The following DPP9 variants were observed in gnomAD, a reference collection of about 807,000 sequenced individuals.
DPP9 encodes dipeptidyl peptidase 9.
DPP9 carries 50 observed loss-of-function variants against 110.7 expected under a neutral mutation model. The ratio of observed to expected loss-of-function variants is 0.45; its 90% CI spans 0.36 to 0.57. The LOEUF (loss-of-function observed/expected upper bound fraction) is 0.57, where lower values mean the gene tolerates loss of function less well. Among genes scored for constraint, DPP9 ranks in the 20% least tolerant of loss-of-function variants. DPP9 has a pLI of 0.00. For synonymous variants in DPP9, 561 were observed against 514.4 expected (o/e 1.09, Z -1.23); for missense variants, 1,022 against 1,217.9 (o/e 0.84, Z 2.39).
rs904488987 is a variant in DPP9, at chr19:4,690,537, C to T, written c.1596+341G>A. Among the ~76,000 whole-genome samples the T allele has an allele frequency of 3.9e-5, 6 of 152,232 alleles. No homozygotes were observed. The East Asian group carries it at 5.8e-4, about 15-fold the overall frequency. Reference sequence around the variant, plus strand: ...AGGCAGCTGGACGCATGGCCCCAGACGGCCTGCAGAGGACACACTTCCTCT... The same window carrying T: ...AGGCAGCTGGACGCATGGCCCCAGATGGCCTGCAGAGGACACACTTCCTCT... On this transcript the variant is annotated intron_variant, in intron 14 of 21. Transcript: ENST00000262960.
In DPP9 at chr19:4,701,228, G is replaced by C. The variant is rs372161265; in HGVS notation, c.1012+799C>G. ...CACGTCTGTAATCTCAGCATTTTGGGAGGCCGAGGCGAGAGGACCACTTGA... is the reference window on the plus strand; with the variant it reads ...CACGTCTGTAATCTCAGCATTTTGGCAGGCCGAGGCGAGAGGACCACTTGA... On this transcript the variant is annotated intron_variant, in intron 9 of 21. Transcript: ENST00000262960. Among the ~76,000 whole-genome samples, 44 of 152,334 alleles carry C rather than the reference G, an allele frequency of 2.9e-4. No homozygotes were observed. The East Asian group carries it at 8.3e-3, about 29-fold the overall frequency.
intron 19 of DPP9, 194 bp from the exon 20 acceptor site, chr19:4,683,032 G>A (rs778317905): frequency 6.8e-4 from 1,034 of 1,518,452 alleles, no homozygotes; most frequent in Admixed American, 1.2e-3. Context: ...GGGTGGGCAG[G>A]GCGCCACAGG....
At chr19:4,713,933 G>A (rs1442456917) in intron 4 of DPP9, 148 bp downstream of exon 4, 2 of 1,295,256 alleles carry the variant, frequency 1.5e-6, no homozygotes, top group Non-Finnish European at 2.1e-6. Context: ...AGAGCTGTCT[G>A]TGGCTGAGCC....
intron 2 of DPP9, chr19:4,722,259 C>G: frequency 1.9e-6 from 1 of 524,638 alleles, no homozygotes; most frequent in Non-Finnish European, 3.4e-6. Flanking sequence ...TCAGCACTCT[C>G]CCCTTCCTCT....
Position 4,704,037 on chromosome 19 carries a change from C to G in DPP9, c.618G>C (p.Pro206=), listed in dbSNP as rs771392403. Residue 206 remains proline, a synonymous_variant, in exon 7 of 22, where the codon CCG becomes CCC. Transcript: ENST00000262960. The surrounding 1 kb of genome is among the most constrained non-coding windows in gnomAD (Gnocchi z 6.0). ...CTGAGCACTGGGTCTTGATTTCCAGCGGTTTCATAGGGGACACCTGAGGAC... is the reference window on the plus strand; with the variant it reads ...CTGAGCACTGGGTCTTGATTTCCAGGGGTTTCATAGGGGACACCTGAGGAC... ...KNGFMVSPMK[P]LEIKTQCSGP... is the part of the protein sequence containing the mutation. 1.2e-6 allele frequency: 2 copies of G among 1,613,850 alleles called. No individual in the cohort carries two copies. The highest frequency in any genetic ancestry group is 8.5e-7 in the Non-Finnish European group (1 of 1,179,884).
In DPP9 at chr19:4,689,540, G is replaced by A; in HGVS notation, c.1749+30C>T. On this transcript the variant is annotated intron_variant, in intron 15 of 21. Coordinates refer to ENST00000262960, the MANE Select transcript of DPP9 (RefSeq NM_139159.5). This position sits in a 1 kb window ranked among gnomAD's most constrained non-coding sequence, Gnocchi z 7.0. ...GGCTGGGAGCTGTTGGACGGGCACA[G>A]GGCGGTGCCGTGAGGCTGGGCGGTC... The A allele has an allele frequency of 6.5e-7, 1 of 1,540,852 alleles. No individual in the cohort carries two copies.
At chr19:4,719,707 T>C in intron 3 of DPP9, 144 bp downstream of exon 3, 2 of 983,394 alleles carry the variant, frequency 2.0e-6, no homozygotes, top group South Asian at 1.5e-5. Context: ...GCCTCCTCGC[T>C]TGAAATAACC....
Position 4,682,532 on chromosome 19 carries a change from A to G in DPP9, c.2474+164T>C, listed in dbSNP as rs1183551841. On this transcript the variant is annotated intron_variant, in intron 20 of 21. Coordinates refer to ENST00000262960, the MANE Select transcript of DPP9 (RefSeq NM_139159.5). This position sits in a 1 kb window ranked among gnomAD's most constrained non-coding sequence, Gnocchi z 7.1. ...TGGGCTGGAGGGGACTGTGAGGCACATGCAGGCAGACGCCACCACAGGAGC... is the reference window on the plus strand; with the variant it reads ...TGGGCTGGAGGGGACTGTGAGGCACGTGCAGGCAGACGCCACCACAGGAGC... Among the ~76,000 whole-genome samples the G allele has an allele frequency of 2.0e-5, 3 of 152,146 alleles. No individual in the cohort carries two copies. Among genetic ancestry groups the G allele is most frequent in the African/African-American group, 7.2e-5 (3 of 41,440 alleles).
At chr19:4,699,540 C>T (rs940197451) in intron 10 of DPP9, among the ~76,000 whole-genome samples, 11 of 151,938 alleles carry the variant, frequency 7.2e-5, no homozygotes, top group Admixed American at 4.6e-4. Context: ...GGGGTGGCTA[C>T]GGAGGAGGGG....
chr19:4,702,648 C>G lies in DPP9; in HGVS notation c.838G>C (p.Asp280His), dbSNP rs757840802. The G allele has an allele frequency of 6.2e-7, 1 of 1,604,168 alleles. No homozygotes were observed. The highest frequency in any genetic ancestry group is 8.5e-7 in the Non-Finnish European group (1 of 1,175,722). ...CACCACCAGTACCCAGTGAAGCGGT[C>G]GAACTCTTCCTGTATGACGAAGGTG... ...VATFVIQEEF[D>H]RFTGYWWCPT... Residue 280 changes from aspartate (D) to histidine (H), a missense_variant, in exon 8 of 22, where the codon GAC (aspartate) becomes CAC (histidine). Asp to His is a moderately conservative substitution (Grantham distance 81, BLOSUM62 -1). Around this residue, in one of 3 missense-constraint regions of DPP9, gnomAD observed 810 missense variants for 920.6 expected, o/e 0.88. Coordinates refer to ENST00000262960, the MANE Select transcript of DPP9 (RefSeq NM_139159.5).
At chr19:4,683,892 C>A in intron 18 of DPP9, 1 of 1,367,238 alleles carries the variant, frequency 7.3e-7, no homozygotes, top group Non-Finnish European at 9.9e-7. Flanking sequence ...TTTGCCCATC[C>A]CTAATAAAGG....
Position 4,684,620 on chromosome 19 carries a change from C to A in DPP9, c.2178+43G>T. ...CACCCACACGGCCCAGGGCTCCCTT[C>A]CCGAGACCCAAAGGACCCAGAGCAA... On this transcript the variant is annotated intron_variant, in intron 18 of 21. Coordinates refer to ENST00000262960, the MANE Select transcript of DPP9 (RefSeq NM_139159.5). This position sits in a 1 kb window ranked among gnomAD's most constrained non-coding sequence, Gnocchi z 4.8. The A allele has an allele frequency of 6.2e-7, 1 of 1,608,514 alleles. No individual in the cohort carries two copies. The highest frequency in any genetic ancestry group is 8.5e-7 in the Non-Finnish European group (1 of 1,177,444).
At position 4,682,687 on chromosome 19, in the gene DPP9, T is replaced by TGGCCTTACTCATTGGGCAGC. The variant is rs1490139233; in HGVS notation, c.2463_2474+8dup. 3 of 1,608,626 alleles carry TGGCCTTACTCATTGGGCAGC rather than the reference T, an allele frequency of 1.9e-6. No individual in the cohort carries two copies. Among genetic ancestry groups the TGGCCTTACTCATTGGGCAGC allele is most frequent in the Non-Finnish European group, 2.5e-6 (3 of 1,177,956 alleles). ...CGGGGAGGAGCGCAGGGCAGGGCAG[T>TGGCCTTACTCATTGGGCAGC]GGCCTTACTCATTGGGCAGCTTCTC... On this transcript the variant is annotated intron_variant, in intron 20 of 21. Coordinates refer to ENST00000262960, the MANE Select transcript of DPP9 (RefSeq NM_139159.5). This position sits in a 1 kb window ranked among gnomAD's most constrained non-coding sequence, Gnocchi z 7.1.
Position 4,676,505 on chromosome 19 carries a change from G to C in DPP9, c.*59C>G. 6.9e-7 allele frequency: 1 copy of C among 1,457,252 alleles called. No homozygotes were observed. Among genetic ancestry groups the C allele is most frequent in the African/African-American group, 1.4e-5 (1 of 71,220 alleles). 90.3% of individuals were successfully genotyped at this position (1,457,252 alleles called of 1,614,324 possible). ...CGGGCCACTCAGTCCCTCCCGCCTG[G>C]TTCCCCGCGGAGGCTGCAGCCACTT... On this transcript the variant is annotated 3_prime_UTR_variant, in exon 22 of 22. Transcript: ENST00000262960. The surrounding 1 kb of genome is among the most constrained non-coding windows in gnomAD (Gnocchi z 4.0).
At chr19:4,719,149 G>A (rs988083084) in intron 3 of DPP9, 2 of 151,958 alleles carry the variant, frequency 1.3e-5, no homozygotes, top group African/African-American at 4.8e-5. Context: ...CTAATGTGGT[G>A]AAACCCCGTC....
rs1254025876 is a variant in DPP9 at position 4,684,152 on chromosome 19, T to C, written c.2178+511A>G. On this transcript the variant is annotated intron_variant, in intron 18 of 21. Transcript: ENST00000262960. This position sits in a 1 kb window ranked among gnomAD's most constrained non-coding sequence, Gnocchi z 4.8. ...TCATGTGAATGGGATGAGGGGCCCT[T>C]ATAAAAGGGCCTGATGGAGGGAGGC... The C allele has an allele frequency of 7.2e-6, 2 of 279,650 alleles. No individual in the cohort carries two copies. The highest frequency in any genetic ancestry group is 1.4e-5 in the Non-Finnish European group (2 of 141,406). The allele number at this position is 279,650 out of a possible 1,614,324, so 17.3% of individuals were successfully genotyped here.
Position 4,689,001 on chromosome 19 carries a change from TG to T in DPP9, c.1750-110del. On this transcript the variant is annotated intron_variant, in intron 15 of 21. Coordinates refer to ENST00000262960, the MANE Select transcript of DPP9 (RefSeq NM_139159.5). This position sits in a 1 kb window ranked among gnomAD's most constrained non-coding sequence, Gnocchi z 7.0. Reference sequence around the variant, plus strand: ...TCCCTCCCGCCCGCCCCCATCCCTCTGCCCCTGCCTGTCATGAAACCTCAAA... The same window carrying T: ...TCCCTCCCGCCCGCCCCCATCCCTCTCCCCTGCCTGTCATGAAACCTCAAA... The T allele has an allele frequency of 8.7e-7, 1 of 1,150,252 alleles. No homozygotes were observed. Among genetic ancestry groups the T allele is most frequent in the Non-Finnish European group, 1.1e-6 (1 of 927,088 alleles). 71.3% of individuals were successfully genotyped at this position (1,150,252 alleles called of 1,614,324 possible).
chr19:4,703,408 T>C (rs560896099), intron 7 of DPP9, among the ~76,000 whole-genome samples: 1 of 150,638 alleles, frequency 6.6e-6, no homozygotes, highest in South Asian at 2.1e-4. Flanking sequence ...GTAGATCATT[T>C]GAGGTCAGGA....
At chr19:4,722,852 A>G (rs2093381697) in intron 1 of DPP9, 2 of 338,122 alleles carry the variant, frequency 5.9e-6, no homozygotes, top group Non-Finnish European at 1.1e-5. Flanking sequence ...CTTGCCTGGG[A>G]GGCAAGTGAC....
Sources: gnomAD v4.1 joint callset for allele counts (sites outside exome capture counted in the v4.1 genomes callset) on GRCh38, gnomAD v4.1.1 for gene constraint, gnomAD v4.1.1 regional missense constraint, Gnocchi (gnomAD v3.1) non-coding constraint, MANE v1.5 for transcripts, NCBI Gene and HGNC (gene_info 2026-07-23, HGNC 2026-07-21) for gene names.